The following LRRC4C variants were observed in gnomAD, a reference collection of about 807,000 sequenced individuals.
LRRC4C encodes leucine rich repeat containing 4C, also known as leucine-rich repeat-containing protein 4C.
Under a neutral mutation model 33.6 loss-of-function variants are expected in LRRC4C, and 5 were observed. The observed-to-expected ratio is 0.15, with a 90% CI of 0.08 to 0.31. The LOEUF (loss-of-function observed/expected upper bound fraction) is 0.31, where lower values mean the gene tolerates loss of function less well. LRRC4C is among the 10% of genes least tolerant of loss of function. LRRC4C has a pLI of 1.00. For synonymous variants in LRRC4C, 329 were observed against 302.0 expected, an observed-to-expected ratio of 1.09 and a Z score of -0.93; for missense variants, 560 against 796.7, an observed-to-expected ratio of 0.70 and a Z score of 3.58.
At chr11:40,473,809 T>C (rs1262742033) in intron 3 of LRRC4C, among the ~76,000 whole-genome samples, 3 of 151,966 alleles carry the variant, frequency 2.0e-5, no homozygotes, top group Admixed American at 6.6e-5. Context: ...TACACCATAA[T>C]AGACAAACAG....
At chr11:41,006,863 G>C (rs1854790832) in intron 1 of LRRC4C, among the ~76,000 whole-genome samples, 1 of 152,024 alleles carries the variant, frequency 6.6e-6, no homozygotes, top group Non-Finnish European at 1.5e-5. Context: ...ATCCAGAATA[G>C]TGTTTTTATA....
intron 3 of LRRC4C, among the ~76,000 whole-genome samples, chr11:40,614,866 T>C (rs1448498636): frequency 6.6e-6 from 1 of 151,658 alleles, no homozygotes; most frequent in Admixed American, 6.6e-5. Flanking sequence ...GTCAATTAAG[T>C]TTACCATTTT....
intron 5 of LRRC4C, among the ~76,000 whole-genome samples, chr11:40,173,098 A>AATT (rs1300619749): frequency 1.3e-5 from 2 of 151,762 alleles, no homozygotes; most frequent in Non-Finnish European, 2.9e-5. Context: ...AACAAGGAAG[A>AATT]ATTCTTCACT....
chr11:41,269,512 A>C (rs1243303812), intron 1 of LRRC4C, among the ~76,000 whole-genome samples: 1 of 152,068 alleles, frequency 6.6e-6, no homozygotes, highest in East Asian at 1.9e-4. Context: ...ATTAGTGTTT[A>C]ATGACTGAGC....
Position 40,444,831 on chromosome 11 carries a change from G to C in LRRC4C, c.-269-125110C>G, listed in dbSNP as rs7936757. On this transcript the variant is annotated intron_variant, in intron 3 of 6. Coordinates refer to ENST00000528697, the MANE Select transcript of LRRC4C (RefSeq NM_001258419.2). ...GAAAGTGAATTAGCTGCAGTAGGCTGTTTGTGTTGTAACCAAAACAGATCA... is the reference window on the plus strand; with the variant it reads ...GAAAGTGAATTAGCTGCAGTAGGCTCTTTGTGTTGTAACCAAAACAGATCA... 1.2e-4 allele frequency among the ~76,000 whole-genome samples: 18 copies of C among 152,296 alleles called. No individual in the cohort carries two copies. In the South Asian group the frequency reaches 2.3e-3, roughly 19 times the overall value.
Position 40,665,321 on chromosome 11 carries a change from AAAAAATATATATAT to A in LRRC4C, c.-406-17057_-406-17044del, listed in dbSNP as rs1265341509. Among the ~76,000 whole-genome samples the A allele has an allele frequency of 3.8e-4, 5 of 13,032 alleles. No individual in the cohort carries two copies. The East Asian group carries it at 0.012, about 32-fold the overall frequency. 8.5% of individuals were successfully genotyped at this position (13,032 alleles called of 152,430 possible). On this transcript the variant is annotated intron_variant, in intron 2 of 6. Transcript: ENST00000528697. ...TCATTGCTTTCTTAAAAAAAAAAAA[AAAAAATATATATAT>A]ATATATATATATATATATATATATA...
At chr11:41,013,504 T>C (rs752246935) in intron 1 of LRRC4C, among the ~76,000 whole-genome samples, 1 of 152,212 alleles carries the variant, frequency 6.6e-6, no homozygotes, top group Non-Finnish European at 1.5e-5. Context: ...ATGTTCCTTA[T>C]AGACACTGTC....
rs1384419722 is a variant in LRRC4C at position 40,742,511 on chromosome 11, TA to T, written c.-406-94234del. 3.3e-5 allele frequency among the ~76,000 whole-genome samples: 5 copies of T among 151,930 alleles called. No homozygotes were observed. In the South Asian group the frequency reaches 8.3e-4, roughly 25 times the overall value. On this transcript the variant is annotated intron_variant, in intron 2 of 6. Coordinates refer to ENST00000528697, the MANE Select transcript of LRRC4C (RefSeq NM_001258419.2). ...ATGATTACAGATGTTAAAAATGTCA[TA>T]AAAAAGAGAAAATTAATAGCAAGTA...
intron 2 of LRRC4C, among the ~76,000 whole-genome samples, chr11:40,861,908 G>C (rs1954122536): frequency 6.6e-6 from 1 of 152,148 alleles, no homozygotes; most frequent in Non-Finnish European, 1.5e-5. Context: ...CATTACAATG[G>C]GGAGGAGCCA....
At chr11:41,136,782 C>T (rs1384371738) in intron 1 of LRRC4C, among the ~76,000 whole-genome samples, 3 of 152,108 alleles carry the variant, frequency 2.0e-5, no homozygotes, top group African/African-American at 7.2e-5. Context: ...GTCAACTCAG[C>T]TCAGTTATCG....
At chr11:40,516,741 C>G (rs1346067942) in intron 3 of LRRC4C, among the ~76,000 whole-genome samples, 1 of 152,100 alleles carries the variant, frequency 6.6e-6, no homozygotes, top group African/African-American at 2.4e-5. Flanking sequence ...AAAATTACCT[C>G]TAAAATGAAC....
At chr11:40,865,823 T>G (rs2135893307) in intron 2 of LRRC4C, among the ~76,000 whole-genome samples, 1 of 151,968 alleles carries the variant, frequency 6.6e-6, no homozygotes, top group Admixed American at 6.6e-5. Context: ...AAACTGCATA[T>G]TATAGAAAGG....
At chr11:40,971,513 G>GT (rs1170527118) in intron 1 of LRRC4C, among the ~76,000 whole-genome samples, 1 of 152,232 alleles carries the variant, frequency 6.6e-6, no homozygotes, top group Non-Finnish European at 1.5e-5. Flanking sequence ...AAGCATGGAT[G>GT]TCCATGCAGA....
intron 1 of LRRC4C, among the ~76,000 whole-genome samples, chr11:41,107,677 A>G (rs1253925545): frequency 6.6e-6 from 1 of 152,088 alleles, no homozygotes; most frequent in Non-Finnish European, 1.5e-5. Context: ...GTGGCTCACA[A>G]CTGTAATCCC....
intron 1 of LRRC4C, among the ~76,000 whole-genome samples, chr11:41,114,555 T>C (rs1466930795): frequency 6.6e-6 from 1 of 152,066 alleles, no homozygotes; most frequent in Non-Finnish European, 1.5e-5. Flanking sequence ...TAAAATTTAA[T>C]AGCACTTTCC....
chr11:40,662,362 C>G (rs990495678), intron 2 of LRRC4C, among the ~76,000 whole-genome samples: 1 of 152,108 alleles, frequency 6.6e-6, no homozygotes, highest in African/African-American at 2.4e-5. Context: ...TGACCACAAA[C>G]CCTATATAAA....
At position 41,061,063 on chromosome 11, in the gene LRRC4C, A is replaced by C. The variant is rs537784247; in HGVS notation, c.-495-127340T>G. Reference sequence around the variant, plus strand: ...CTAATAACCTCTCCCCAAGACATTTAATATTCTCAAGCAGAGAAAACTTAT... The same window carrying C: ...CTAATAACCTCTCCCCAAGACATTTCATATTCTCAAGCAGAGAAAACTTAT... On this transcript the variant is annotated intron_variant, in intron 1 of 6. Coordinates refer to ENST00000528697, the MANE Select transcript of LRRC4C (RefSeq NM_001258419.2). Among the ~76,000 whole-genome samples, 6 of 152,272 alleles carry C rather than the reference A, an allele frequency of 3.9e-5. 1 individual carries two copies. The East Asian group carries it at 1.2e-3, about 29-fold the overall frequency.
intron 6 of LRRC4C, among the ~76,000 whole-genome samples, chr11:40,131,875 C>G (rs1856666412): frequency 6.6e-6 from 1 of 152,060 alleles, no homozygotes; most frequent in Non-Finnish European, 1.5e-5. Flanking sequence ...ATTAAGTTCT[C>G]TTAGTTTTAT....
chr11:40,958,472 C>T (rs1289339405), intron 1 of LRRC4C, among the ~76,000 whole-genome samples: 2 of 151,646 alleles, frequency 1.3e-5, no homozygotes, highest in Admixed American at 6.6e-5. Flanking sequence ...AAGATAATTG[C>T]CTTATATTTT....
Sources: allele counts gnomAD v4.1 joint callset (sites outside exome capture counted in the v4.1 genomes callset), GRCh38; gene constraint gnomAD v4.1.1; transcripts MANE v1.5; gene names NCBI Gene and HGNC (gene_info 2026-07-23, HGNC 2026-07-21).